PIGL: variants seen among roughly 807,000 people sequenced by gnomAD.
PIGL encodes the protein phosphatidylinositol glycan anchor biosynthesis class L.
A neutral mutation model predicts 31.1 loss-of-function variants in PIGL; 22 were observed. That is an observed-to-expected ratio of 0.71 (90% CI 0.51 to 1.01). PIGL has a LOEUF of 1.01. Ranked by LOEUF, PIGL falls within the 50% of genes least tolerant of loss-of-function variation. The pLI is 0.00. For synonymous variants in PIGL, 131 were observed against 117.4 expected (o/e 1.12, Z -0.75); for missense variants, 302 against 315.9 (o/e 0.96, Z 0.33).
intron 1 of PIGL, among the ~76,000 whole-genome samples, chr17:16,221,973 T>G (rs779388503): frequency 3.3e-5 from 5 of 152,092 alleles, no homozygotes; most frequent in Non-Finnish European, 7.4e-5. Context: ...AGGCTGGTCT[T>G]GAACTCCTCA....
intron 2 of PIGL, among the ~76,000 whole-genome samples, chr17:16,271,058 G>A (rs2092869980): frequency 6.6e-6 from 1 of 152,096 alleles, no homozygotes; most frequent in African/African-American, 2.4e-5. Context: ...TAGAATGTAT[G>A]TATTTCTTTA....
chr17:16,276,044 T>C (rs1026810710), intron 2 of PIGL, among the ~76,000 whole-genome samples: 2 of 151,900 alleles, frequency 1.3e-5, no homozygotes, highest in Admixed American at 6.6e-5. Context: ...AAAGAAAGCG[T>C]CATTATGGTG....
At chr17:16,297,550 T>C (rs1028558887) in intron 2 of PIGL, among the ~76,000 whole-genome samples, 13 of 152,346 alleles carry the variant, frequency 8.5e-5, no homozygotes, top group Non-Finnish European at 1.8e-4. Context: ...GGAGTATGTA[T>C]GTAGCTATTG....
chr17:16,286,131 G>A (rs2142804540), intron 2 of PIGL, among the ~76,000 whole-genome samples: 1 of 152,356 alleles, frequency 6.6e-6, no homozygotes, highest in African/African-American at 2.4e-5. Context: ...GGGTGGAGGG[G>A]TGGCTGAACC....
chr17:16,256,760 C>A (rs116501151), intron 2 of PIGL, among the ~76,000 whole-genome samples: 7,206 of 151,874 alleles, frequency 0.047, 196 homozygotes, highest in African/African-American at 0.086. Flanking sequence ...AGTGGTGCAG[C>A]CTTGACTCAC....
chr17:16,270,184 G>A (rs1363587868), intron 2 of PIGL, among the ~76,000 whole-genome samples: 4 of 151,854 alleles, frequency 2.6e-5, no homozygotes, highest in Non-Finnish European at 5.9e-5. Flanking sequence ...AGCTACTCAG[G>A]AGGCTGAGGC....
chr17:16,324,380 G>A (rs1049122432), intron 6 of PIGL: 2 of 151,992 alleles, frequency 1.3e-5, no homozygotes, highest in Non-Finnish European at 2.9e-5. Flanking sequence ...CACCAGGCTG[G>A]AGTGCAGTGG....
chr17:16,267,385 G>A (rs2092848901), intron 2 of PIGL, among the ~76,000 whole-genome samples: 1 of 152,020 alleles, frequency 6.6e-6, no homozygotes, highest in Admixed American at 6.6e-5. Flanking sequence ...CGGAAGAGGT[G>A]GAGGAAGTGG....
intron 2 of PIGL, among the ~76,000 whole-genome samples, chr17:16,240,972 G>T (rs561731160): frequency 6.6e-6 from 1 of 151,422 alleles, no homozygotes. Context: ...AAATTAGCCG[G>T]GTGTGGTGGC....
At chr17:16,295,491 T>C (rs2092977807) in intron 2 of PIGL, among the ~76,000 whole-genome samples, 2 of 150,928 alleles carry the variant, frequency 1.3e-5, no homozygotes, top group South Asian at 4.2e-4. Context: ...TAAAAATCAC[T>C]GAGTTATTAG....
chr17:16,272,306 A>T (rs1228219569), intron 2 of PIGL, among the ~76,000 whole-genome samples: 1 of 152,228 alleles, frequency 6.6e-6, no homozygotes, highest in Non-Finnish European at 1.5e-5. Context: ...TGTTATTTAC[A>T]GCCTCATTAT....
At chr17:16,245,232 C>G (rs2092739532) in intron 2 of PIGL, among the ~76,000 whole-genome samples, 1 of 151,978 alleles carries the variant, frequency 6.6e-6, no homozygotes, top group East Asian at 1.9e-4. Context: ...ACCTCGTGAT[C>G]CACCCGCCTC....
chr17:16,247,277 C>T (rs1421190436), intron 2 of PIGL, among the ~76,000 whole-genome samples: 2 of 152,158 alleles, frequency 1.3e-5, no homozygotes, highest in African/African-American at 4.8e-5. Flanking sequence ...TATTCCATCC[C>T]AGACTCCCAC....
In PIGL at chr17:16,233,971, G is replaced by C. The variant is rs199935177; in HGVS notation, c.236G>C (p.Gly79Ala). 1.7e-5 allele frequency: 27 copies of C among 1,586,222 alleles called. No homozygotes were observed. The highest frequency in any genetic ancestry group is 6.7e-5 in the Admixed American group (4 of 59,592). The change falls in exon 2 of 7, where the codon GGA becomes GCA. Residue 79 changes from glycine to alanine, a missense_variant and splice_region_variant. Transcript: ENST00000225609. ...HWVYLLCFSA[G>A]NYYNQGETRK... Reference sequence around the variant, plus strand: ...ACCACTGTATATTTGTTACCCTCAGGAAATTACTACAATCAAGGAGAGACT... The same window carrying C: ...ACCACTGTATATTTGTTACCCTCAGCAAATTACTACAATCAAGGAGAGACT...
At chr17:16,316,914 C>CTGGAT (rs2093080244) in intron 5 of PIGL, 18 of 1,359,090 alleles carry the variant, frequency 1.3e-5, no homozygotes, top group Non-Finnish European at 1.7e-5. Flanking sequence ...AGGGCCACCT[C>CTGGAT]TGGATGAGTG....
intron 2 of PIGL, among the ~76,000 whole-genome samples, chr17:16,263,868 T>G: frequency 8.5e-6 from 1 of 117,810 alleles, no homozygotes. Context: ...TGAGACAGAG[T>G]TTCACTCTTG....
chr17:16,220,645 G>A (rs937544022), intron 1 of PIGL, among the ~76,000 whole-genome samples: 2 of 151,598 alleles, frequency 1.3e-5, no homozygotes, highest in Admixed American at 6.6e-5. Context: ...TCACCGCCAC[G>A]CCCAGCCAAT....
At position 16,217,217 on chromosome 17, in the gene PIGL, C is replaced by T. The variant is rs767613051; in HGVS notation, c.-10C>T. On this transcript the variant is annotated 5_prime_UTR_variant, in exon 1 of 7. Coordinates refer to ENST00000225609, the MANE Select transcript of PIGL (RefSeq NM_004278.4). ...TTCCTACTGCGCAGGCTCAGTGCTG[C>T]TTACCCATCATGGAAGCAATGTGGC... 5 of 1,612,376 alleles carry T rather than the reference C, an allele frequency of 3.1e-6. 1 individual carries two copies. The African/African-American group carries it at 5.3e-5, about 17-fold the overall frequency.
At chr17:16,308,791 G>GA (rs2093036575) in intron 3 of PIGL, among the ~76,000 whole-genome samples, 1 of 80,156 alleles carries the variant, frequency 1.2e-5, no homozygotes, top group Non-Finnish European at 2.3e-5. Flanking sequence ...CTGCATCCAG[G>GA]CTTTTTTTTT....
Sources: gnomAD v4.1 joint callset for allele counts (sites outside exome capture counted in the v4.1 genomes callset) on GRCh38, gnomAD v4.1.1 for gene constraint, MANE v1.5 for transcripts, NCBI Gene and HGNC (gene_info 2026-07-23, HGNC 2026-07-21) for gene names.